Variants in ASH1L observed in about 807,000 individuals in gnomAD.
ASH1L encodes histone-lysine N-methyltransferase ASH1L.
ASH1L carries 23 observed loss-of-function variants against 269.0 expected under a neutral mutation model. That is an observed-to-expected ratio of 0.09 (90% confidence interval 0.06 to 0.12). ASH1L has a LOEUF of 0.12. ASH1L is among the 10% of genes least tolerant of loss of function. The pLI, the probability that ASH1L is intolerant of heterozygous loss-of-function variation, is 1.00. For synonymous variants in ASH1L, 1,187 were observed against 1,253.5 expected (o/e 0.95, Z 1.12); for missense variants, 2,912 against 3,567.8 (o/e 0.82, Z 4.68).
At chr1:155,459,698 T>C in intron 4 of ASH1L, 99 bp downstream of exon 4, 1 of 903,776 alleles carries the variant, frequency 1.1e-6, no homozygotes, top group Non-Finnish European at 1.8e-6. Context: ...CCATATATGA[T>C]ACAGTCCCCA....
intron 6 of ASH1L, among the ~76,000 whole-genome samples, chr1:155,397,800 G>A (rs1173129606): frequency 6.6e-6 from 1 of 152,146 alleles, no homozygotes; most frequent in Non-Finnish European, 1.5e-5. Flanking sequence ...GACCTCAGGT[G>A]ATCCACTTGC....
intron 5 of ASH1L, among the ~76,000 whole-genome samples, chr1:155,427,941 C>T (rs372266494): frequency 6.6e-5 from 10 of 152,132 alleles, no homozygotes; most frequent in Admixed American, 2.0e-4. Context: ...TATGGCACTT[C>T]GTCCTTCTCC....
intron 7 of ASH1L, among the ~76,000 whole-genome samples, chr1:155,390,490 G>A (rs1657823053): frequency 6.6e-6 from 1 of 152,112 alleles, no homozygotes. Context: ...GCTAGTGTAT[G>A]CCTAATACAA....
In ASH1L at chr1:155,480,224, A is replaced by T; in HGVS notation, c.2646T>A (p.Ser882=). ...CTCTCTTTTTTGGAAAAGGAGACAC[A>T]GACAGACCTTGTTTGAAGGAAGGGA... ...IEIPSFKQGL[S]VSPFPKKRGR... Residue 882 remains serine (S), a synonymous_variant, in exon 3 of 28, where the codon TCT becomes TCA. Coordinates refer to ENST00000392403, the MANE Select transcript of ASH1L (RefSeq NM_018489.3). The T allele has an allele frequency of 6.2e-7, 1 of 1,614,190 alleles. No individual in the cohort carries two copies. The highest frequency in any genetic ancestry group is 8.5e-7 in the Non-Finnish European group (1 of 1,180,000).
chr1:155,376,086 A>C (rs1327744359), intron 10 of ASH1L, among the ~76,000 whole-genome samples: 2 of 152,082 alleles, frequency 1.3e-5, no homozygotes, highest in African/African-American at 4.8e-5. Flanking sequence ...CCTGGGCAAC[A>C]GAGTGATATC....
At chr1:155,521,731 C>G (rs1026386894) in intron 1 of ASH1L, 113 bp from the exon 2 acceptor site, 42 of 457,368 alleles carry the variant, frequency 9.2e-5, no homozygotes, top group African/African-American at 4.2e-4. Context: ...AAAAAAATCA[C>G]AGTTAGATCG....
intron 16 of ASH1L, among the ~76,000 whole-genome samples, chr1:155,353,663 T>G (rs948440215): frequency 1.3e-5 from 2 of 152,108 alleles, no homozygotes; most frequent in Non-Finnish European, 2.9e-5. Flanking sequence ...GGTTTGTGAG[T>G]ACAGTGCTAA....
intron 5 of ASH1L, among the ~76,000 whole-genome samples, chr1:155,416,218 C>T (rs999088509): frequency 6.6e-6 from 1 of 151,926 alleles, no homozygotes; most frequent in African/African-American, 2.4e-5. Flanking sequence ...GCAACCTCCG[C>T]TTTCTGGGTT....
chr1:155,527,326 C>T (rs1669329077), intron 1 of ASH1L, among the ~76,000 whole-genome samples: 1 of 152,120 alleles, frequency 6.6e-6, no homozygotes, highest in African/African-American at 2.4e-5. Context: ...TCTCCCTGAC[C>T]TCCAATCCTT....
intron 20 of ASH1L, among the ~76,000 whole-genome samples, 158 bp downstream of exon 20, chr1:155,347,498 G>A (rs763900547): frequency 6.6e-6 from 1 of 152,112 alleles, no homozygotes; most frequent in Non-Finnish European, 1.5e-5. Context: ...AAAGGAGAAA[G>A]GCAATATAGT....
At chr1:155,463,870 T>G (rs1664484955) in intron 3 of ASH1L, among the ~76,000 whole-genome samples, 1 of 152,092 alleles carries the variant, frequency 6.6e-6, no homozygotes. Context: ...CCTATTAACA[T>G]CAAGCATTTA....
At chr1:155,507,482 TA>T (rs1411149593) in intron 2 of ASH1L, among the ~76,000 whole-genome samples, 2 of 152,178 alleles carry the variant, frequency 1.3e-5, no homozygotes, top group African/African-American at 4.8e-5. Context: ...TAACATCAAA[TA>T]AACTATCCAA....
chr1:155,404,705 A>G (rs1038124798), intron 6 of ASH1L, among the ~76,000 whole-genome samples: 2 of 152,262 alleles, frequency 1.3e-5, no homozygotes, highest in African/African-American at 4.8e-5. Context: ...TTCTATACAT[A>G]GCAATAAACA....
chr1:155,360,383 C>G lies in ASH1L; in HGVS notation c.6713G>C (p.Gly2238Ala). 1.9e-6 allele frequency: 3 copies of G among 1,611,588 alleles called. No homozygotes were observed. Among genetic ancestry groups the G allele is most frequent in the Non-Finnish European group, 2.5e-6 (3 of 1,177,804 alleles). The change falls in exon 13 of 28, where the codon GGA becomes GCA. Residue 2238 changes from glycine to alanine, a missense_variant. Gly to Ala is a moderately conservative substitution (Grantham distance 60). Around this residue, in one of 13 missense-constraint regions of ASH1L, gnomAD observed 7 missense variants for 42.5 expected, o/e 0.16. Transcript: ENST00000392403. ...KWSVNGVYRIGLYALKDMPAG... is the reference protein window; with the variant it reads ...KWSVNGVYRIALYALKDMPAG... ...TGGCATGTCTTTAAGAGCATAGAGT[C>G]CAATCCGGTATACTCCATTAACAGA...
intron 1 of ASH1L, among the ~76,000 whole-genome samples, chr1:155,553,247 C>G (rs1671336956): frequency 6.6e-6 from 1 of 152,166 alleles, no homozygotes. Flanking sequence ...TTATTATAAT[C>G]AAGGCCTGAT....
At chr1:155,527,187 G>A (rs1669320805) in intron 1 of ASH1L, among the ~76,000 whole-genome samples, 1 of 151,616 alleles carries the variant, frequency 6.6e-6, no homozygotes, top group Non-Finnish European at 1.5e-5. Flanking sequence ...CAGCCTAGGT[G>A]ACAGAGCGAG....
intron 5 of ASH1L, 49 bp from the exon 6 acceptor site, chr1:155,415,972 C>A: frequency 3.6e-6 from 5 of 1,398,552 alleles, no homozygotes; most frequent in South Asian, 3.4e-5. Context: ...AAAAGTTTTC[C>A]TACAAATAAT....
Position 155,480,699 on chromosome 1 carries a change from G to T in ASH1L, c.2171C>A (p.Ala724Glu). The T allele has an allele frequency of 6.8e-6, 11 of 1,613,388 alleles. No individual in the cohort carries two copies. Among genetic ancestry groups the T allele is most frequent in the Non-Finnish European group, 9.3e-6 (11 of 1,179,916 alleles). ...TTTTGGAGACCGGCATGTGCTTCTT[G>T]CCACCACTTTAGTCCACCGAGGTTT... is the stretch of plus-strand genomic sequence containing the variant. ...GRKPRWTKVV[A>E]RSTCRSPKGL... The change falls in exon 3 of 28, where the codon GCA (alanine) becomes GAA (glutamate). Residue 724 changes from alanine to glutamate, a missense_variant. Transcript: ENST00000392403.
At chr1:155,557,031 G>A (rs1184901793) in intron 1 of ASH1L, among the ~76,000 whole-genome samples, 1 of 151,976 alleles carries the variant, frequency 6.6e-6, no homozygotes, top group East Asian at 1.9e-4. Context: ...GTAAGACCCT[G>A]TCTCAAAAAA....
Sources: allele counts gnomAD v4.1 joint callset (sites outside exome capture counted in the v4.1 genomes callset), GRCh38; gene constraint gnomAD v4.1.1; regional missense constraint gnomAD v4.1.1; transcripts MANE v1.5; gene names NCBI Gene and HGNC (gene_info 2026-07-23, HGNC 2026-07-21).